Variants in PARD3 observed in about 807,000 individuals in gnomAD.
PARD3 encodes the protein par-3 family cell polarity regulator, also known as partitioning defective 3 homolog.
A neutral mutation model predicts 155.4 loss-of-function variants in PARD3; 75 were observed. The ratio of observed to expected loss-of-function variants is 0.48; its 90% CI spans 0.40 to 0.58. The LOEUF is 0.58. Among genes scored for constraint, PARD3 ranks in the 20% least tolerant of loss-of-function variants. PARD3 has a pLI of 0.00. For synonymous variants in PARD3, 576 were observed against 610.5 expected, an observed-to-expected ratio of 0.94 and a Z score of 0.83; for missense variants, 1,642 against 1,721.7, an observed-to-expected ratio of 0.95 and a Z score of 0.82.
At chr10:34,538,566 T>C (rs1005482969) in intron 2 of PARD3, among the ~76,000 whole-genome samples, 1 of 152,156 alleles carries the variant, frequency 6.6e-6, no homozygotes, top group African/African-American at 2.4e-5. Context: ...TATTCAGAGG[T>C]GGCTGTAAGT....
chr10:34,798,319 G>A (rs1842499751), intron 1 of PARD3, among the ~76,000 whole-genome samples: 1 of 151,610 alleles, frequency 6.6e-6, no homozygotes, highest in Non-Finnish European at 1.5e-5. Flanking sequence ...AACACAGCAA[G>A]TGCAAAACCC....
intron 3 of PARD3, among the ~76,000 whole-genome samples, chr10:34,500,634 C>T (rs932943439): frequency 1.3e-5 from 2 of 152,048 alleles, no homozygotes; most frequent in Non-Finnish European, 2.9e-5. Context: ...CTAGCTTACT[C>T]AGGAGGCTGA....
chr10:34,788,664 G>A (rs1396703149), intron 1 of PARD3, among the ~76,000 whole-genome samples: 2 of 152,144 alleles, frequency 1.3e-5, no homozygotes, highest in African/African-American at 2.4e-5. Flanking sequence ...TGGCCAGGAC[G>A]GTCTCGATCT....
At chr10:34,284,520 G>T (rs1211452842) in intron 20 of PARD3, among the ~76,000 whole-genome samples, 1 of 152,166 alleles carries the variant, frequency 6.6e-6, no homozygotes, top group Non-Finnish European at 1.5e-5. Context: ...AAGAGTTGTG[G>T]TTTATCCTTA....
chr10:34,159,580 G>C (rs925892304), intron 22 of PARD3, among the ~76,000 whole-genome samples: 2 of 152,194 alleles, frequency 1.3e-5, no homozygotes, highest in Non-Finnish European at 2.9e-5. Context: ...TAGGCAACTA[G>C]TAAGTCCTGA....
At chr10:34,625,984 T>C (rs2091962359) in intron 2 of PARD3, among the ~76,000 whole-genome samples, 1 of 152,178 alleles carries the variant, frequency 6.6e-6, no homozygotes. Flanking sequence ...TAAGTCTAAC[T>C]CAAAAGAGAT....
At chr10:34,386,233 T>C (rs1442191491) in intron 7 of PARD3, among the ~76,000 whole-genome samples, 1 of 152,308 alleles carries the variant, frequency 6.6e-6, no homozygotes, top group South Asian at 2.1e-4. Flanking sequence ...TCTAAAAATA[T>C]TAGTGACTAG....
At chr10:34,378,820 A>G (rs944543482) in intron 9 of PARD3, among the ~76,000 whole-genome samples, 1 of 152,074 alleles carries the variant, frequency 6.6e-6, no homozygotes, top group Non-Finnish European at 1.5e-5. Flanking sequence ...TACTAAATTA[A>G]TGATGCATTT....
intron 5 of PARD3, among the ~76,000 whole-genome samples, chr10:34,402,771 T>C (rs1199159571): frequency 1.3e-4 from 20 of 152,160 alleles, no homozygotes; most frequent in Admixed American, 1.3e-3. Flanking sequence ...TACAAACCAA[T>C]GATTAGATAG....
intron 2 of PARD3, among the ~76,000 whole-genome samples, chr10:34,543,643 T>G (rs2083815733): frequency 6.6e-6 from 1 of 152,210 alleles, no homozygotes. Context: ...AAGTCTTAAG[T>G]TAGAGGTTTT....
intron 22 of PARD3, among the ~76,000 whole-genome samples, chr10:34,167,438 G>A (rs939606877): frequency 1.8e-4 from 27 of 151,794 alleles, no homozygotes; most frequent in African/African-American, 3.4e-4. Context: ...ACAGCACTGC[G>A]TGGTTTTCGT....
Position 34,396,273 on chromosome 10 carries a change from C to G in PARD3, c.890+3057G>C, listed in dbSNP as rs551851156. 1.4e-3 allele frequency among the ~76,000 whole-genome samples: 208 copies of G among 152,178 alleles called. 3 individuals carry two copies. Among genetic ancestry groups the G allele is most frequent in the Non-Finnish European group, 3.8e-4 (26 of 68,004 alleles). On this transcript the variant is annotated intron_variant, in intron 7 of 24. Transcript: ENST00000374788. ...GCTGATGCAGGAGAATTGCTTGAAC[C>G]CGGGAAGCGGAGGTTGCAGTGAGCC...
intron 2 of PARD3, among the ~76,000 whole-genome samples, chr10:34,558,342 G>A (rs1025682075): frequency 6.6e-6 from 1 of 152,128 alleles, no homozygotes; most frequent in Non-Finnish European, 1.5e-5. Context: ...CACTGTATTA[G>A]TCATATGGGA....
At chr10:34,343,868 C>G (rs145063918) in intron 15 of PARD3, 14 of 982,864 alleles carry the variant, frequency 1.4e-5, no homozygotes, top group African/African-American at 1.7e-5. Context: ...CAATGAAATA[C>G]AAAATGTTTG....
At chr10:34,305,951 T>A (rs1276095122) in intron 20 of PARD3, among the ~76,000 whole-genome samples, 1 of 152,164 alleles carries the variant, frequency 6.6e-6, no homozygotes, top group Non-Finnish European at 1.5e-5. Context: ...CCATCCAGCC[T>A]GGGTGACAGA....
intron 2 of PARD3, among the ~76,000 whole-genome samples, chr10:34,535,037 T>C (rs549765692): frequency 6.6e-6 from 1 of 152,274 alleles, no homozygotes; most frequent in South Asian, 2.1e-4. Flanking sequence ...CTATTTTGTC[T>C]ATTTTGCAGA....
At chr10:34,747,080 G>A (rs1470817068) in intron 1 of PARD3, among the ~76,000 whole-genome samples, 1 of 152,182 alleles carries the variant, frequency 6.6e-6, no homozygotes, top group Non-Finnish European at 1.5e-5. Context: ...TTCAATTAAA[G>A]ATATTTGCTT....
At chr10:34,811,548 C>T (rs565393877) in intron 1 of PARD3, among the ~76,000 whole-genome samples, 14 of 151,946 alleles carry the variant, frequency 9.2e-5, no homozygotes, top group Non-Finnish European at 1.9e-4. Flanking sequence ...GAGACTCCCA[C>T]ACACACCCCA....
chr10:34,305,318 G>A (rs1957348843), intron 20 of PARD3, among the ~76,000 whole-genome samples: 1 of 152,206 alleles, frequency 6.6e-6, no homozygotes, highest in Admixed American at 6.5e-5. Flanking sequence ...CCTAGCAGCG[G>A]TAGTGAAAGG....
Sources: gnomAD v4.1 joint callset for allele counts (sites outside exome capture counted in the v4.1 genomes callset) on GRCh38, gnomAD v4.1.1 for gene constraint, MANE v1.5 for transcripts, NCBI Gene and HGNC (gene_info 2026-07-23, HGNC 2026-07-21) for gene names.